The following TCF4 variants were observed in gnomAD, a reference collection of about 807,000 sequenced individuals.
The protein encoded by TCF4 is SL3-3 enhancer factor 2.
Under a neutral mutation model 82.1 loss-of-function variants are expected in TCF4, and 3 were observed. That is an observed-to-expected ratio of 0.04 (90% CI 0.02 to 0.09). The LOEUF is 0.09. Ranked by LOEUF, TCF4 falls within the 10% of genes least tolerant of loss-of-function variation. The pLI is 1.00. For synonymous variants in TCF4, 276 were observed against 309.6 expected, an observed-to-expected ratio of 0.89 and a Z score of 1.14; for missense variants, 518 against 852.7, an observed-to-expected ratio of 0.61 and a Z score of 4.89.
intron 3 of TCF4, among the ~76,000 whole-genome samples, 177 bp downstream of exon 3, chr18:55,585,103 C>A (rs552445584): frequency 6.6e-6 from 1 of 152,022 alleles, no homozygotes; most frequent in Non-Finnish European, 1.5e-5. Context: ...TAATTTTAAT[C>A]GCACAAGATA....
chr18:55,409,573 TG>T lies in TCF4; in HGVS notation c.305-6056del, dbSNP rs146618488. Among the ~76,000 whole-genome samples the T allele has an allele frequency of 7.3e-3, 1,106 of 152,272 alleles. 4 individuals are homozygous for T. The highest frequency in any genetic ancestry group is 8.5e-3 in the Non-Finnish European group (576 of 68,016). On this transcript the variant is annotated intron_variant, in intron 5 of 19. Transcript: ENST00000354452. ...CATACATGCCCGTCCCCATCTTTTT[TG>T]TGTCTATTAATACAAGAGCTGATGA...
intron 8 of TCF4, among the ~76,000 whole-genome samples, chr18:55,291,866 G>A (rs2065172455): frequency 6.6e-6 from 1 of 152,154 alleles, no homozygotes; most frequent in South Asian, 2.1e-4. Context: ...GGAACTAGTT[G>A]GGAGATTTAT....
Position 55,331,473 on chromosome 18 carries a change from AC to A in TCF4, c.549+18885del, listed in dbSNP as rs1452003643. Among the ~76,000 whole-genome samples, 4 of 152,366 alleles carry A rather than the reference AC, an allele frequency of 2.6e-5. No homozygotes were observed. The East Asian group carries it at 7.7e-4, about 29-fold the overall frequency. On this transcript the variant is annotated intron_variant, in intron 8 of 19. Coordinates refer to ENST00000354452, the MANE Select transcript of TCF4 (RefSeq NM_001083962.2). ...TGTGCTCCAACAATATAATCTGCAC[AC>A]AATAGGAGCTCAATCACACTTTGCT...
intron 8 of TCF4, chr18:55,321,999 T>G (rs1289696470): frequency 3.3e-6 from 4 of 1,225,320 alleles, no homozygotes; most frequent in Non-Finnish European, 4.1e-6. Context: ...ATACGCGAGA[T>G]CGATTCAACT....
intron 6 of TCF4, among the ~76,000 whole-genome samples, chr18:55,399,998 A>G (rs1370833234): frequency 6.6e-6 from 1 of 151,928 alleles, no homozygotes; most frequent in Non-Finnish European, 1.5e-5. Context: ...ATTCCTGATA[A>G]TCAACTCTAA....
intron 3 of TCF4, among the ~76,000 whole-genome samples, chr18:55,521,224 C>T (rs552966625): frequency 2.0e-5 from 3 of 152,046 alleles, no homozygotes; most frequent in Non-Finnish European, 4.4e-5. Flanking sequence ...TATGACAAAT[C>T]GGATTCAAGT....
intron 3 of TCF4, among the ~76,000 whole-genome samples, chr18:55,545,736 C>T (rs961831709): frequency 2.0e-5 from 3 of 152,194 alleles, no homozygotes; most frequent in Non-Finnish European, 2.9e-5. Context: ...AGGCGTGAGA[C>T]ACCACGCCCG....
At chr18:55,496,874 C>T (rs2096642119) in intron 3 of TCF4, among the ~76,000 whole-genome samples, 1 of 120,792 alleles carries the variant, frequency 8.3e-6, no homozygotes, top group Admixed American at 9.5e-5. Context: ...GAGAATCAAA[C>T]TGAACAAGAG....
At chr18:55,580,973 C>T (rs909432318) in intron 3 of TCF4, among the ~76,000 whole-genome samples, 1 of 151,972 alleles carries the variant, frequency 6.6e-6, no homozygotes, top group Non-Finnish European at 1.5e-5. Context: ...ACACAGCACA[C>T]CTCTCTAACA....
At chr18:55,526,304 T>G (rs981723343) in intron 3 of TCF4, among the ~76,000 whole-genome samples, 1 of 152,324 alleles carries the variant, frequency 6.6e-6, no homozygotes, top group Middle Eastern at 3.4e-3. Context: ...AAACCATTAA[T>G]ATCCAGTGCA....
chr18:55,310,712 A>G (rs1404816504), intron 8 of TCF4, among the ~76,000 whole-genome samples: 1 of 152,236 alleles, frequency 6.6e-6, no homozygotes, highest in Non-Finnish European at 1.5e-5. Context: ...TTTTCTTGAT[A>G]ACAGACGATA....
At chr18:55,370,072 C>G (rs2088527013) in intron 6 of TCF4, among the ~76,000 whole-genome samples, 1 of 152,178 alleles carries the variant, frequency 6.6e-6, no homozygotes, top group Non-Finnish European at 1.5e-5. Context: ...TACCCACAAC[C>G]AGCACAGTCT....
chr18:55,277,859 A>G (rs755222252), intron 9 of TCF4, among the ~76,000 whole-genome samples: 3 of 152,294 alleles, frequency 2.0e-5, no homozygotes, highest in Admixed American at 6.5e-5. Context: ...CTGTAGGACA[A>G]TATCTCCCAC....
intron 3 of TCF4, among the ~76,000 whole-genome samples, chr18:55,476,750 G>A (rs1486024881): frequency 6.6e-6 from 1 of 152,148 alleles, no homozygotes; most frequent in African/African-American, 2.4e-5. Flanking sequence ...TTATAGGCGT[G>A]AGCCACCATG....
At chr18:55,622,805 A>G (rs1216509846) in intron 2 of TCF4, among the ~76,000 whole-genome samples, 1 of 152,000 alleles carries the variant, frequency 6.6e-6, no homozygotes, top group Non-Finnish European at 1.5e-5. Flanking sequence ...TGATTGACAA[A>G]TAGGAATTTC....
chr18:55,617,595 C>T (rs1323459972), intron 2 of TCF4, among the ~76,000 whole-genome samples: 1 of 152,014 alleles, frequency 6.6e-6, no homozygotes, highest in Non-Finnish European at 1.5e-5. Context: ...TTTGTGTCAT[C>T]TTCAATTTCT....
rs145459164 is a variant in TCF4 at position 55,505,002 on chromosome 18, G to A, written c.146-40865C>T. ...ATGCTGGAATAGTGCCCAGTTATCC[G>A]TCTTACCTACAGCAATAAAACTGTC... On this transcript the variant is annotated intron_variant, in intron 3 of 19. Transcript: ENST00000354452. 1.3e-3 allele frequency among the ~76,000 whole-genome samples: 200 copies of A among 152,240 alleles called. 2 individuals are homozygous for A. The highest frequency in any genetic ancestry group is 4.6e-3 in the African/African-American group (189 of 41,536).
At chr18:55,549,858 C>T (rs969135385) in intron 3 of TCF4, among the ~76,000 whole-genome samples, 8 of 152,086 alleles carry the variant, frequency 5.3e-5, no homozygotes, top group East Asian at 1.9e-4. Flanking sequence ...CTGACCGAAA[C>T]GCCATTATGC....
At chr18:55,627,229 T>A (rs1359137064) in intron 2 of TCF4, among the ~76,000 whole-genome samples, 1 of 152,180 alleles carries the variant, frequency 6.6e-6, no homozygotes, top group Non-Finnish European at 1.5e-5. Flanking sequence ...TATGAACATG[T>A]CCAGAAGAAT....
Sources: allele counts gnomAD v4.1 joint callset (sites outside exome capture counted in the v4.1 genomes callset), GRCh38; gene constraint gnomAD v4.1.1; transcripts MANE v1.5; gene names NCBI Gene and HGNC (gene_info 2026-07-23, HGNC 2026-07-21).